The following CPQ variants were observed in gnomAD, a reference collection of about 807,000 sequenced individuals.
The protein encoded by CPQ is Ser-Met dipeptidase.
CPQ carries 37 observed loss-of-function variants against 45.7 expected under a neutral mutation model. The ratio of observed to expected loss-of-function variants is 0.81; its 90% CI spans 0.62 to 1.07. The LOEUF (loss-of-function observed/expected upper bound fraction) is 1.07, where lower values mean the gene tolerates loss of function less well. CPQ is among the 50% of genes least tolerant of loss of function. CPQ has a pLI of 0.00. For missense variants in CPQ, 537 were observed against 572.9 expected (o/e 0.94, Z 0.64); for synonymous variants, 186 against 205.8 (o/e 0.90, Z 0.82).
chr8:96,758,825 G>A (rs1586389320), intron 1 of CPQ, among the ~76,000 whole-genome samples: 1 of 152,094 alleles, frequency 6.6e-6, no homozygotes, highest in Non-Finnish European at 1.5e-5. Context: ...TATGTCCAAA[G>A]TCCTTCACCA....
chr8:97,071,162 A>G (rs1026838816), intron 7 of CPQ, among the ~76,000 whole-genome samples: 1 of 152,146 alleles, frequency 6.6e-6, no homozygotes, highest in Non-Finnish European at 1.5e-5. Flanking sequence ...GCAAGGAGTT[A>G]GAGGACTTGA....
At chr8:97,049,150 C>T (rs1451681824) in intron 6 of CPQ, among the ~76,000 whole-genome samples, 1 of 152,130 alleles carries the variant, frequency 6.6e-6, no homozygotes, top group Non-Finnish European at 1.5e-5. Flanking sequence ...TTTATAAGAA[C>T]CAGCAATTCT....
intron 1 of CPQ, among the ~76,000 whole-genome samples, chr8:96,741,102 C>A (rs1810081879): frequency 1.3e-5 from 2 of 152,208 alleles, no homozygotes; most frequent in Non-Finnish European, 2.9e-5. Context: ...TCCATCTGGT[C>A]CTGGACTCTT....
chr8:97,123,076 TAAAATAAATAAAATA>T lies in CPQ; in HGVS notation c.1256-19940_1256-19926del, dbSNP rs1811765280. On this transcript the variant is annotated intron_variant, in intron 7 of 7. Coordinates refer to ENST00000220763, the MANE Select transcript of CPQ (RefSeq NM_016134.4). ...ATAAAATAAAATAAAAAAAATAAAA[TAAAATAAATAAAATA>T]AAATAAAATAAATAAAATAAAATAA... is the stretch of plus-strand genomic sequence containing the variant. Among the ~76,000 whole-genome samples the T allele has an allele frequency of 4.8e-5, 2 of 41,334 alleles. 1 individual carries two copies. The highest frequency in any genetic ancestry group is 2.1e-4 in the African/African-American group (2 of 9,596). The allele number at this position is 41,334 out of a possible 152,430, so 27.1% of individuals were successfully genotyped here.
At chr8:97,113,850 C>G (rs1811540753) in intron 7 of CPQ, among the ~76,000 whole-genome samples, 1 of 152,196 alleles carries the variant, frequency 6.6e-6, no homozygotes, top group Non-Finnish European at 1.5e-5. Context: ...TGCTGAAACT[C>G]AGACCAGTCC....
At chr8:96,834,056 T>C (rs1386032620) in intron 2 of CPQ, among the ~76,000 whole-genome samples, 1 of 152,224 alleles carries the variant, frequency 6.6e-6, no homozygotes, top group Non-Finnish European at 1.5e-5. Context: ...ACCACTTTCT[T>C]TCTTTTAGAT....
At chr8:96,711,488 G>A (rs892660795) in intron 1 of CPQ, among the ~76,000 whole-genome samples, 3 of 152,126 alleles carry the variant, frequency 2.0e-5, no homozygotes, top group African/African-American at 2.4e-5. Context: ...AAGGAAAGAG[G>A]TTTAATTGAC....
At chr8:96,949,889 T>C (rs1213132302) in intron 4 of CPQ, among the ~76,000 whole-genome samples, 1 of 152,130 alleles carries the variant, frequency 6.6e-6, no homozygotes, top group African/African-American at 2.4e-5. Flanking sequence ...GCGTTTCTAG[T>C]CCACAGAGAT....
At chr8:96,928,793 G>A (rs1041650313) in intron 4 of CPQ, among the ~76,000 whole-genome samples, 1 of 152,128 alleles carries the variant, frequency 6.6e-6, no homozygotes, top group Non-Finnish European at 1.5e-5. Flanking sequence ...CCGAAGTTCA[G>A]ACCCTGATGA....
rs528429338 is a variant in CPQ, at chr8:96,649,070, G to A, written c.-35+3668G>A. Among the ~76,000 whole-genome samples the A allele has an allele frequency of 2.6e-5, 4 of 152,328 alleles. No individual in the cohort carries two copies. The South Asian group carries it at 8.3e-4, about 32-fold the overall frequency. On this transcript the variant is annotated intron_variant, in intron 1 of 7. Coordinates refer to ENST00000220763, the MANE Select transcript of CPQ (RefSeq NM_016134.4). Reference sequence around the variant, plus strand: ...GATCTCACTGCGACTTCCGCCTCCCGGTTCAAGTGATTCTCCTGCCTCAGC... The same window carrying A: ...GATCTCACTGCGACTTCCGCCTCCCAGTTCAAGTGATTCTCCTGCCTCAGC...
intron 2 of CPQ, among the ~76,000 whole-genome samples, chr8:96,812,414 G>A (rs901896526): frequency 1.3e-5 from 2 of 152,044 alleles, no homozygotes; most frequent in African/African-American, 4.8e-5. Context: ...TAATTTATAG[G>A]GGCTGTTCAT....
Position 97,028,667 on chromosome 8 carries a change from T to C in CPQ, c.962-736T>C, listed in dbSNP as rs562828329. Among the ~76,000 whole-genome samples the C allele has an allele frequency of 2.6e-5, 4 of 152,304 alleles. No homozygotes were observed. The South Asian group carries it at 6.2e-4, about 24-fold the overall frequency. On this transcript the variant is annotated intron_variant, in intron 5 of 7. Transcript: ENST00000220763. ...GTAGGTAACTTTCACTGAGCTGACATTGTCAGCCAAAAATGGTTCTGGAGC... is the reference window on the plus strand; with the variant it reads ...GTAGGTAACTTTCACTGAGCTGACACTGTCAGCCAAAAATGGTTCTGGAGC...
chr8:96,747,974 G>A (rs1207969052), intron 1 of CPQ, among the ~76,000 whole-genome samples: 2 of 152,188 alleles, frequency 1.3e-5, no homozygotes, highest in Non-Finnish European at 2.9e-5. Flanking sequence ...AGCAATTACG[G>A]ATTTCATTTC....
chr8:96,778,615 T>G (rs1353523394), intron 1 of CPQ, among the ~76,000 whole-genome samples: 3 of 152,182 alleles, frequency 2.0e-5, no homozygotes, highest in Admixed American at 1.3e-4. Flanking sequence ...TAACCTACTT[T>G]TAAAAATAAG....
chr8:96,893,206 T>C (rs1400464677), intron 4 of CPQ, among the ~76,000 whole-genome samples: 1 of 152,220 alleles, frequency 6.6e-6, no homozygotes, highest in Non-Finnish European at 1.5e-5. Context: ...TAGTGCCTTT[T>C]TATTCTAGTT....
intron 1 of CPQ, among the ~76,000 whole-genome samples, chr8:96,691,344 C>T (rs890426987): frequency 2.0e-5 from 3 of 152,134 alleles, no homozygotes; most frequent in African/African-American, 7.2e-5. Context: ...ATTTAGGGCC[C>T]ATCCAGGATG....
chr8:96,800,922 A>G (rs1194632204), intron 2 of CPQ, among the ~76,000 whole-genome samples: 1 of 152,072 alleles, frequency 6.6e-6, no homozygotes, highest in Non-Finnish European at 1.5e-5. Flanking sequence ...TGAATAGGCT[A>G]ATGATTTTGT....
chr8:97,088,738 T>TA (rs1394614439), intron 7 of CPQ, among the ~76,000 whole-genome samples: 1 of 152,210 alleles, frequency 6.6e-6, no homozygotes, highest in Admixed American at 6.5e-5. Context: ...GCCTAGCTTT[T>TA]AAAAAATGCT....
At chr8:96,652,956 G>A (rs1815595391) in intron 1 of CPQ, among the ~76,000 whole-genome samples, 1 of 152,160 alleles carries the variant, frequency 6.6e-6, no homozygotes, top group Non-Finnish European at 1.5e-5. Flanking sequence ...TTTTGAGGCA[G>A]GATCTGGTTC....
Sources: allele counts gnomAD v4.1 joint callset (sites outside exome capture counted in the v4.1 genomes callset), GRCh38; gene constraint gnomAD v4.1.1; transcripts MANE v1.5; gene names NCBI Gene and HGNC (gene_info 2026-07-23, HGNC 2026-07-21).